MAN1C1: variants seen among roughly 807,000 people sequenced by gnomAD.
The protein encoded by MAN1C1 is mannosyl-oligosaccharide 1,2-alpha-mannosidase IC.
Under a neutral mutation model 71.5 loss-of-function variants are expected in MAN1C1, and 49 were observed. The observed-to-expected ratio is 0.69, with a 90% confidence interval of 0.54 to 0.87. The LOEUF (loss-of-function observed/expected upper bound fraction) is 0.87. MAN1C1 is among the 40% of genes least tolerant of loss of function. The pLI is 0.00. For synonymous variants in MAN1C1, 352 were observed against 343.7 expected, an observed-to-expected ratio of 1.02 and a Z score of -0.27; for missense variants, 743 against 835.0, an observed-to-expected ratio of 0.89 and a Z score of 1.36.
chr1:25,708,820 G>T (rs1180330967), intron 2 of MAN1C1, among the ~76,000 whole-genome samples: 1 of 151,984 alleles, frequency 6.6e-6, no homozygotes, highest in African/African-American at 2.4e-5. Flanking sequence ...GGAGGTGGAG[G>T]TTGCAGTGAG....
At chr1:25,751,190 A>G (rs1273516580) in intron 4 of MAN1C1, among the ~76,000 whole-genome samples, 1 of 131,870 alleles carries the variant, frequency 7.6e-6, no homozygotes, top group Non-Finnish European at 1.6e-5. Flanking sequence ...CTTCTGTCTT[A>G]TCTTCCTTCC....
At chr1:25,630,174 A>G (rs2045357728) in intron 1 of MAN1C1, among the ~76,000 whole-genome samples, 1 of 151,986 alleles carries the variant, frequency 6.6e-6, no homozygotes, top group Non-Finnish European at 1.5e-5. Context: ...AAAAATAAAT[A>G]TTTTTATATG....
At chr1:25,642,004 TG>T (rs1019913930) in intron 1 of MAN1C1, among the ~76,000 whole-genome samples, 1 of 152,236 alleles carries the variant, frequency 6.6e-6, no homozygotes, top group African/African-American at 2.4e-5. Flanking sequence ...TGGCATGTAC[TG>T]GAATCACTTC....
Position 25,737,460 on chromosome 1 carries a change from G to A in MAN1C1, c.638-9208G>A, listed in dbSNP as rs910004273. ...CTACTGTGTGTGCTGTGTCTTCTCC[G>A]AGTCCCAGGGGCCTGGTAAAGTGTT... On this transcript the variant is annotated intron_variant, in intron 2 of 11. Transcript: ENST00000374332. Among the ~76,000 whole-genome samples, 5 of 152,358 alleles carry A rather than the reference G, an allele frequency of 3.3e-5. No individual in the cohort carries two copies. In the East Asian group the frequency reaches 7.7e-4, roughly 23 times the overall value.
At position 25,753,102 on chromosome 1, in the gene MAN1C1, GC is replaced by G. The variant is rs1483957715; in HGVS notation, c.835-376del. Among the ~76,000 whole-genome samples, 1 of 152,062 alleles carries G rather than the reference GC, an allele frequency of 6.6e-6. No homozygotes were observed. Among genetic ancestry groups the G allele is most frequent in the East Asian group, 1.9e-4 (1 of 5,186 alleles). The stretch of plus-strand genomic sequence containing the variant: ...CAGGTCTTCATCTGGACTTGGAGGT[GC>G]CCCCCACCCCCCGCACCTCACTGCT... On this transcript the variant is annotated intron_variant, in intron 4 of 11. Coordinates refer to ENST00000374332, the MANE Select transcript of MAN1C1 (RefSeq NM_020379.4). The surrounding 1 kb of genome is among the most constrained non-coding windows in gnomAD (Gnocchi z 4.9).
intron 8 of MAN1C1, among the ~76,000 whole-genome samples, chr1:25,774,156 A>G (rs1160795869): frequency 6.6e-6 from 1 of 152,194 alleles, no homozygotes; most frequent in Admixed American, 6.5e-5. Context: ...AGTTCCTTCC[A>G]CAATTCTGTT....
intron 1 of MAN1C1, among the ~76,000 whole-genome samples, chr1:25,660,836 G>A (rs1185130253): frequency 1.3e-5 from 2 of 152,212 alleles, no homozygotes; most frequent in East Asian, 1.9e-4. Context: ...GACCACAGGT[G>A]CATGCAACCA....
chr1:25,687,682 C>T (rs1488728134), intron 2 of MAN1C1, among the ~76,000 whole-genome samples: 1 of 152,234 alleles, frequency 6.6e-6, no homozygotes, highest in South Asian at 2.1e-4. Flanking sequence ...CTCCCCTTCA[C>T]CAGTCAGATC....
In MAN1C1 at chr1:25,778,365, C is replaced by A; in HGVS notation, c.1477+41C>A. 1 of 1,554,336 alleles carries A rather than the reference C, an allele frequency of 6.4e-7. No homozygotes were observed. Among genetic ancestry groups the A allele is most frequent in the South Asian group, 1.2e-5 (1 of 85,044 alleles). On this transcript the variant is annotated intron_variant, in intron 9 of 11. Transcript: ENST00000374332. This position sits in a 1 kb window ranked among gnomAD's most constrained non-coding sequence, Gnocchi z 5.5. The stretch of plus-strand genomic sequence containing the variant: ...GAAGGGGCAGCAGGAGAGACTGAGG[C>A]TAGACACCAGGAAGAACTGGAAAGA...
chr1:25,617,573 C>T lies in MAN1C1; in HGVS notation c.-225C>T, dbSNP rs1469337442. ...CCCCAAGCCGTGCCGCTCCGCTCGC[C>T]CGGGCCCCGCCGAGGCCGCTGCGCC... On this transcript the variant is annotated 5_prime_UTR_variant, in exon 1 of 12. Coordinates refer to ENST00000374332, the MANE Select transcript of MAN1C1 (RefSeq NM_020379.4). The surrounding 1 kb of genome is among the most constrained non-coding windows in gnomAD (Gnocchi z 5.1). 7 of 396,730 alleles carry T rather than the reference C, an allele frequency of 1.8e-5. No homozygotes were observed. Among genetic ancestry groups the T allele is most frequent in the Non-Finnish European group, 2.7e-5 (6 of 223,972 alleles). The allele number at this position is 396,730 out of a possible 1,614,324, so 24.6% of individuals were successfully genotyped here. A position where few individuals can be genotyped will look rare whatever the true frequency, so the allele number is the denominator to read the frequency against.
intron 2 of MAN1C1, among the ~76,000 whole-genome samples, chr1:25,739,854 C>T (rs548569514): frequency 6.6e-6 from 1 of 152,226 alleles, no homozygotes; most frequent in South Asian, 2.1e-4. Context: ...GCTGTGGGCT[C>T]GTTTTGTTCA....
chr1:25,701,546 CAG>C (rs925091899), intron 2 of MAN1C1, among the ~76,000 whole-genome samples: 2 of 152,370 alleles, frequency 1.3e-5, no homozygotes, highest in Non-Finnish European at 1.5e-5. Context: ...TCCTCTGCCT[CAG>C]GGACTGGGAA....
intron 6 of MAN1C1, among the ~76,000 whole-genome samples, chr1:25,762,122 CTTTTCTT>C (rs1557797234): frequency 4.1e-5 from 5 of 121,384 alleles, no homozygotes; most frequent in Admixed American, 8.6e-5. Flanking sequence ...CTTTTCTTTT[CTTTTCTT>C]TTTTTTTTTT....
At chr1:25,666,493 T>TTTC in intron 1 of MAN1C1, among the ~76,000 whole-genome samples, 1 of 152,238 alleles carries the variant, frequency 6.6e-6, no homozygotes, top group Non-Finnish European at 1.5e-5. Context: ...GGGAGAGGAA[T>TTTC]TTCTTCCTCT....
rs1251976032 is a variant in MAN1C1 at position 25,782,753 on chromosome 1, G to A, written c.1766+53G>A. ...TGGACAGGTGGGAGGTTGAGGGTAG[G>A]GGTCCGCAGTCCCTCCCCTCCACAG... On this transcript the variant is annotated intron_variant, in intron 11 of 11. Coordinates refer to ENST00000374332, the MANE Select transcript of MAN1C1 (RefSeq NM_020379.4). The surrounding 1 kb of genome is among the most constrained non-coding windows in gnomAD (Gnocchi z 4.4). 12 of 1,320,328 alleles carry A rather than the reference G, an allele frequency of 9.1e-6. No individual in the cohort carries two copies. The highest frequency in any genetic ancestry group is 1.4e-5 in the African/African-American group (1 of 69,120). The allele number at this position is 1,320,328 out of a possible 1,614,324, so 81.8% of individuals were successfully genotyped here.
At chr1:25,714,382 G>A (rs2046652213) in intron 2 of MAN1C1, among the ~76,000 whole-genome samples, 1 of 152,134 alleles carries the variant, frequency 6.6e-6, no homozygotes, top group Non-Finnish European at 1.5e-5. Context: ...TTAGGGAAAA[G>A]CTTTGTTTAT....
chr1:25,620,454 G>A (rs906022482), intron 1 of MAN1C1, among the ~76,000 whole-genome samples: 4 of 145,664 alleles, frequency 2.7e-5, no homozygotes, highest in African/African-American at 1.1e-4. Flanking sequence ...TGTAGAGTGG[G>A]TTTTGGTTTA....
rs1323692842 is a variant in MAN1C1 at position 25,617,168 on chromosome 1, A to G, written c.-630A>G. 6.6e-6 allele frequency among the ~76,000 whole-genome samples: 1 copy of G among 151,350 alleles called. No individual in the cohort carries two copies. Among genetic ancestry groups the G allele is most frequent in the Non-Finnish European group, 1.5e-5 (1 of 67,798 alleles). On this transcript the variant is annotated 5_prime_UTR_variant, in exon 1 of 12. Coordinates refer to ENST00000374332, the MANE Select transcript of MAN1C1 (RefSeq NM_020379.4). This position sits in a 1 kb window ranked among gnomAD's most constrained non-coding sequence, Gnocchi z 5.1. ...CTGCTCCCTGGCCACTCCGGCTCCC[A>G]GCTCCCGGCGCCCTCTCCGCGGCGG...
intron 2 of MAN1C1, among the ~76,000 whole-genome samples, chr1:25,703,639 C>T (rs916060459): frequency 6.6e-6 from 1 of 152,112 alleles, no homozygotes; most frequent in African/African-American, 2.4e-5. Flanking sequence ...CGAGATCGTG[C>T]CATTGCACTC....
Sources: allele counts gnomAD v4.1 joint callset (sites outside exome capture counted in the v4.1 genomes callset), GRCh38; gene constraint gnomAD v4.1.1; non-coding constraint Gnocchi (gnomAD v3.1); transcripts MANE v1.5; gene names NCBI Gene and HGNC (gene_info 2026-07-23, HGNC 2026-07-21).